The following PHKA1 variants were observed in gnomAD, a reference collection of about 807,000 sequenced individuals.
PHKA1 encodes the protein phosphorylase kinase regulatory subunit alpha 1.
In PHKA1, 60 loss-of-function variants were observed where a neutral mutation model predicts 110.2. The observed-to-expected ratio is 0.54, with a 90% CI of 0.44 to 0.68. The LOEUF (loss-of-function observed/expected upper bound fraction) is 0.68, where lower values mean the gene tolerates loss of function less well. PHKA1 is among the 30% of genes least tolerant of loss of function. The probability of loss-of-function intolerance (pLI) is 0.00; values close to 1 mark genes in which losing one functional copy is unlikely to be tolerated. For synonymous variants in PHKA1, 316 were observed against 333.6 expected (o/e 0.95, Z 0.58); for missense variants, 801 against 942.5 (o/e 0.85, Z 1.97).
intron 30 of PHKA1, among the ~76,000 whole-genome samples, chrX:72,583,845 C>T (rs186717782): frequency 2.1e-3 from 230 of 112,018 alleles, no homozygotes; most frequent in African/African-American, 7.1e-3. Flanking sequence ...GAAATTGGAA[C>T]CCGGGTTACC....
intron 6 of PHKA1, among the ~76,000 whole-genome samples, chrX:72,668,183 A>G (rs2147782261): frequency 1.8e-5 from 2 of 112,123 alleles, no homozygotes; most frequent in South Asian, 7.4e-4. Flanking sequence ...GCTAAATTAT[A>G]AATTCCTTGA....
chrX:72,579,794 C>G lies in PHKA1; in HGVS notation c.*1208G>C, dbSNP rs2052312075. On this transcript the variant is annotated 3_prime_UTR_variant, in exon 32 of 32. Coordinates refer to ENST00000373542, the MANE Select transcript of PHKA1 (RefSeq NM_002637.4). ...CACAAATATGTGTCTTTATAAGAAA[C>G]AGACATATGCCCACAGATACCATGA... 1 of 111,168 alleles carries G rather than the reference C, an allele frequency of 9.0e-6. No individual in the cohort carries two copies. The highest frequency in any genetic ancestry group is 3.3e-5 in the African/African-American group (1 of 30,602). The allele number at this position is 111,168 out of a possible 1,213,427, so 9.2% of individuals were successfully genotyped here.
chrX:72,623,584 A>G (rs1477283643), intron 17 of PHKA1, among the ~76,000 whole-genome samples: 1 of 110,986 alleles, frequency 9.0e-6, no homozygotes, highest in African/African-American at 3.3e-5. Context: ...AAAAATTTGC[A>G]TTGGCTACTG....
intron 8 of PHKA1, among the ~76,000 whole-genome samples, chrX:72,663,806 C>T (rs1190580379): frequency 1.9e-5 from 2 of 107,593 alleles, no homozygotes; most frequent in Non-Finnish European, 3.8e-5. Flanking sequence ...ACAAGAAATG[C>T]CTAAGGGAGT....
intron 29 of PHKA1, among the ~76,000 whole-genome samples, chrX:72,588,750 C>T (rs782816210): frequency 9.0e-6 from 1 of 111,358 alleles, no homozygotes; most frequent in East Asian, 2.8e-4. Flanking sequence ...GGGGATATCA[C>T]CACCAATCCC....
At chrX:72,591,104 C>A (rs962709320) in intron 29 of PHKA1, among the ~76,000 whole-genome samples, 4 of 111,899 alleles carry the variant, frequency 3.6e-5, no homozygotes, top group Admixed American at 1.9e-4. Context: ...TATAAAGATA[C>A]ATGCACATGT....
intron 19 of PHKA1, among the ~76,000 whole-genome samples, chrX:72,619,555 A>G (rs2052947765): frequency 8.9e-6 from 1 of 112,424 alleles, no homozygotes; most frequent in Non-Finnish European, 1.9e-5. Context: ...GTAAGATATT[A>G]AATTTACTAA....
intron 29 of PHKA1, among the ~76,000 whole-genome samples, chrX:72,587,976 T>C (rs1556217159): frequency 9.0e-6 from 1 of 111,212 alleles, no homozygotes; most frequent in East Asian, 2.8e-4. Context: ...TCCCACACAA[T>C]AATAATGGCA....
chrX:72,584,437 A>G (rs1188469821), intron 29 of PHKA1, 135 bp from the exon 30 acceptor site: 7 of 607,720 alleles, frequency 1.2e-5, no homozygotes, highest in Non-Finnish European at 1.9e-5. Flanking sequence ...ACAGACTAGC[A>G]AGGGGCTCTG....
At chrX:72,708,619 AAG>A (rs782438724) in intron 2 of PHKA1, among the ~76,000 whole-genome samples, 7 of 111,927 alleles carry the variant, frequency 6.3e-5, no homozygotes, top group African/African-American at 1.3e-4. Context: ...GGGAAGAGAA[AAG>A]AGGGGATAGA....
intron 16 of PHKA1, among the ~76,000 whole-genome samples, chrX:72,630,930 T>C (rs782297955): frequency 9.1e-6 from 1 of 110,035 alleles, no homozygotes; most frequent in Non-Finnish European, 1.9e-5. Context: ...TTAACGTGAA[T>C]GTTAAAAAAT....
intron 14 of PHKA1, among the ~76,000 whole-genome samples, chrX:72,643,222 G>A (rs1556296176): frequency 9.1e-6 from 1 of 110,427 alleles, no homozygotes; most frequent in East Asian, 2.8e-4. Flanking sequence ...TACCATTCTT[G>A]GGTGATAAAA....
At chrX:72,588,259 C>T (rs935474106) in intron 29 of PHKA1, among the ~76,000 whole-genome samples, 2 of 112,338 alleles carry the variant, frequency 1.8e-5, no homozygotes, top group African/African-American at 6.5e-5. Flanking sequence ...CAAATTAGAA[C>T]TCAGGATTAA....
chrX:72,636,551 T>C (rs1300632817), intron 14 of PHKA1, among the ~76,000 whole-genome samples, 165 bp from the exon 15 acceptor site: 1 of 112,283 alleles, frequency 8.9e-6, no homozygotes, highest in Non-Finnish European at 1.9e-5. Flanking sequence ...GTCTTCTTTT[T>C]ACAGTTTAGC....
chrX:72,705,356 G>A (rs966428376), intron 2 of PHKA1, 111 bp from the exon 3 acceptor site: 1 of 534,447 alleles, frequency 1.9e-6, no homozygotes, highest in Non-Finnish European at 3.2e-6. Flanking sequence ...ACCCTATCCT[G>A]TGTTCCTATT....
At chrX:72,636,155 T>G (rs1394267694) in intron 15 of PHKA1, 122 bp downstream of exon 15, 1 of 509,744 alleles carries the variant, frequency 2.0e-6, no homozygotes, top group African/African-American at 2.3e-5. Context: ...CTGAGTAAGT[T>G]ATGTGCAAGG....
intron 16 of PHKA1, among the ~76,000 whole-genome samples, chrX:72,634,656 A>C (rs73500350): frequency 0.055 from 6,065 of 111,035 alleles, 407 homozygotes; most frequent in African/African-American, 0.19. Flanking sequence ...GCTTTGGAAG[A>C]AGCAGCCTGG....
intron 10 of PHKA1, among the ~76,000 whole-genome samples, chrX:72,654,887 T>TC (rs1363002983): frequency 9.9e-6 from 1 of 101,037 alleles, no homozygotes; most frequent in Non-Finnish European, 2.0e-5. Context: ...AAGCTCCGCC[T>TC]CCCGGGTTCA....
At chrX:72,698,648 T>G (rs999057420) in intron 3 of PHKA1, among the ~76,000 whole-genome samples, 1 of 112,800 alleles carries the variant, frequency 8.9e-6, no homozygotes, top group Non-Finnish European at 1.9e-5. Context: ...TGAAAATAGC[T>G]GCATCTTGAA....
Sources: gnomAD v4.1 joint callset for allele counts (sites outside exome capture counted in the v4.1 genomes callset) on GRCh38, gnomAD v4.1.1 for gene constraint, MANE v1.5 for transcripts, NCBI Gene and HGNC (gene_info 2026-07-23, HGNC 2026-07-21) for gene names.